GABRA3: variants seen among roughly 807,000 people sequenced by gnomAD.
GABRA3 encodes gamma-aminobutyric acid receptor subunit alpha-3.
In GABRA3, 10 loss-of-function variants were observed where a neutral mutation model predicts 30.1. That is an observed-to-expected ratio of 0.33 (90% CI 0.20 to 0.56). The LOEUF (loss-of-function observed/expected upper bound fraction) is 0.56, where lower values mean the gene tolerates loss of function less well. Among genes scored for constraint, GABRA3 ranks in the 20% least tolerant of loss-of-function variants. The pLI, the probability that GABRA3 is intolerant of heterozygous loss-of-function variation, is 0.89. For missense variants in GABRA3, 233 were observed against 392.0 expected, an observed-to-expected ratio of 0.59 and a Z score of 3.42; for synonymous variants, 151 against 146.8, an observed-to-expected ratio of 1.03 and a Z score of -0.21.
chrX:152,330,740 C>G (rs1010574773), intron 3 of GABRA3, among the ~76,000 whole-genome samples: 1 of 108,657 alleles, frequency 9.2e-6, no homozygotes, highest in South Asian at 4.2e-4. Context: ...AGGAGATATA[C>G]CTAATGTAAA....
At position 152,222,189 on chromosome X, in the gene GABRA3, C is replaced by T. The variant is rs543425002; in HGVS notation, c.634+2574G>A. On this transcript the variant is annotated intron_variant, in intron 6 of 9. Coordinates refer to ENST00000370314, the MANE Select transcript of GABRA3 (RefSeq NM_000808.4). ...TAGTGCTGCGATGAACATACGTGTG[C>T]ATGTGTCTTTATAATAGGATGATTT... Among the ~76,000 whole-genome samples the T allele has an allele frequency of 1.3e-4, 14 of 110,044 alleles. No individual in the cohort carries two copies. In the South Asian group the frequency reaches 5.1e-3, roughly 40 times the overall value.
intron 3 of GABRA3, among the ~76,000 whole-genome samples, chrX:152,341,675 G>A (rs999899514): frequency 2.8e-5 from 3 of 106,733 alleles, no homozygotes; most frequent in African/African-American, 1.0e-4. Flanking sequence ...AACTAGCTGG[G>A]ACTACAGGCA....
intron 8 of GABRA3, 43 bp from the exon 9 acceptor site, chrX:152,189,984 T>C (rs1937301875): frequency 2.1e-6 from 2 of 947,940 alleles, no homozygotes; most frequent in Non-Finnish European, 3.0e-6. Flanking sequence ...CTGGAAGACA[T>C]TGAGAGCTTA....
intron 1 of GABRA3, among the ~76,000 whole-genome samples, chrX:152,397,896 G>A (rs954311428): frequency 9.0e-6 from 1 of 111,275 alleles, no homozygotes; most frequent in Admixed American, 9.6e-5. Context: ...TAGGTGCTTG[G>A]TGACAATGTC....
At chrX:152,272,346 T>C (rs1398935292) in intron 4 of GABRA3, among the ~76,000 whole-genome samples, 5 of 112,561 alleles carry the variant, frequency 4.4e-5, no homozygotes, top group Admixed American at 1.9e-4. Flanking sequence ...ATTTTGGAAC[T>C]TGAAGATTTA....
intron 3 of GABRA3, among the ~76,000 whole-genome samples, chrX:152,308,807 T>C (rs1156535055): frequency 8.9e-6 from 1 of 112,234 alleles, no homozygotes; most frequent in East Asian, 2.8e-4. Flanking sequence ...CTGAAATGGC[T>C]GAAATGTCAG....
At chrX:152,184,848 GATC>G (rs1809085716) in intron 9 of GABRA3, among the ~76,000 whole-genome samples, 1 of 111,242 alleles carries the variant, frequency 9.0e-6, no homozygotes, top group South Asian at 3.8e-4. Flanking sequence ...ACATGTGGTT[GATC>G]ATCAAAAACC....
chrX:152,362,305 T>C (rs1408533872), intron 2 of GABRA3, among the ~76,000 whole-genome samples: 1 of 108,841 alleles, frequency 9.2e-6, no homozygotes, highest in Non-Finnish European at 1.9e-5. Flanking sequence ...CCTTGGGTAA[T>C]ATTGAAATAT....
chrX:152,402,539 A>C lies in GABRA3; in HGVS notation c.-26-37943T>G, dbSNP rs771988594. 5.4e-5 allele frequency among the ~76,000 whole-genome samples: 6 copies of C among 111,821 alleles called. No homozygotes were observed. In the South Asian group the frequency reaches 1.9e-3, roughly 35 times the overall value. On this transcript the variant is annotated intron_variant, in intron 1 of 9. Transcript: ENST00000370314. ...TGATGACTAAACTTCTAAGTCTAATAATCTATAATTCAGAGAAATGTCAAC... is the reference window on the plus strand; with the variant it reads ...TGATGACTAAACTTCTAAGTCTAATCATCTATAATTCAGAGAAATGTCAAC...
At chrX:152,370,053 A>G (rs1928792293) in intron 1 of GABRA3, among the ~76,000 whole-genome samples, 6 of 111,665 alleles carry the variant, frequency 5.4e-5, no homozygotes, top group Non-Finnish European at 1.9e-5. Flanking sequence ...GATAACATCC[A>G]TCTTGTAAAG....
Position 152,291,632 on chromosome X carries a change from G to A in GABRA3, c.263-6897C>T, listed in dbSNP as rs1479366822. On this transcript the variant is annotated intron_variant, in intron 3 of 9. Transcript: ENST00000370314. ...CTTCCAGTTTGTGCCCATTCAGTAT[G>A]ATATTGGCTGTGGGTTTGTCATAAA... Among the ~76,000 whole-genome samples the A allele has an allele frequency of 2.7e-5, 3 of 111,654 alleles. No individual in the cohort carries two copies. The Admixed American group carries it at 2.9e-4, about 11-fold the overall frequency.
chrX:152,201,927 A>G, intron 7 of GABRA3, among the ~76,000 whole-genome samples: 1 of 112,070 alleles, frequency 8.9e-6, no homozygotes, highest in Non-Finnish European at 1.9e-5. Context: ...GACAATAATA[A>G]TAAAACTGTC....
At chrX:152,341,817 G>A (rs1052317744) in intron 3 of GABRA3, among the ~76,000 whole-genome samples, 32 of 110,982 alleles carry the variant, frequency 2.9e-4, no homozygotes, top group East Asian at 5.7e-4. Context: ...TGGGATTACA[G>A]GCATGAGCCA....
intron 7 of GABRA3, among the ~76,000 whole-genome samples, chrX:152,207,779 G>C (rs1024633297): frequency 1.8e-5 from 2 of 111,899 alleles, no homozygotes; most frequent in African/African-American, 6.5e-5. Flanking sequence ...TTAAGAGGAT[G>C]GTCTTGGGAG....
chrX:152,322,618 C>T (rs1350037924), intron 3 of GABRA3, among the ~76,000 whole-genome samples: 1 of 107,404 alleles, frequency 9.3e-6, no homozygotes, highest in African/African-American at 3.4e-5. Context: ...ATTGAAACTT[C>T]TGCCTCCCGG....
In GABRA3 at chrX:152,230,098, G is replaced by C. The variant is rs1311717205; in HGVS notation, c.552-5253C>G. ...CCAGTCAAAGAAGAAAAGAAATGGG[G>C]AATGACTGCTAATGGTATGGAGTTT... On this transcript the variant is annotated intron_variant, in intron 5 of 9. Transcript: ENST00000370314. 5.4e-5 allele frequency among the ~76,000 whole-genome samples: 6 copies of C among 111,484 alleles called. No homozygotes were observed. In the Admixed American group the frequency reaches 5.7e-4, roughly 11 times the overall value.
chrX:152,234,580 C>A (rs1938159216), intron 5 of GABRA3, among the ~76,000 whole-genome samples: 1 of 111,365 alleles, frequency 9.0e-6, no homozygotes, highest in Non-Finnish European at 1.9e-5. Context: ...TCTAGATTTT[C>A]TTCTAGTATT....
intron 3 of GABRA3, 68 bp from the exon 4 acceptor site, chrX:152,284,803 G>A: frequency 1.7e-5 from 13 of 757,996 alleles, no homozygotes; most frequent in Non-Finnish European, 2.5e-5. Context: ...AGAGAGTCCA[G>A]TGCAGTACTC....
chrX:152,282,560 G>A (rs753195279), intron 4 of GABRA3, among the ~76,000 whole-genome samples: 1 of 112,183 alleles, frequency 8.9e-6, no homozygotes, highest in African/African-American at 3.2e-5. Flanking sequence ...CTATCAGGAA[G>A]GTGCCATTCT....
Sources: gnomAD v4.1 joint callset for allele counts (sites outside exome capture counted in the v4.1 genomes callset) on GRCh38, gnomAD v4.1.1 for gene constraint, MANE v1.5 for transcripts, NCBI Gene and HGNC (gene_info 2026-07-23, HGNC 2026-07-21) for gene names.